Variants in IL18BP observed in about 807,000 individuals in gnomAD.
IL18BP encodes interleukin-18-binding protein.
A neutral mutation model predicts 19.9 loss-of-function variants in IL18BP; 23 were observed. The observed-to-expected ratio is 1.15, with a 90% CI of 0.83 to 1.64. The LOEUF (loss-of-function observed/expected upper bound fraction) is 1.64. IL18BP is among the 40% of genes most tolerant of loss of function. The pLI, the probability that IL18BP is intolerant of heterozygous loss-of-function variation, is 0.00. For synonymous variants in IL18BP, 107 were observed against 101.0 expected, an observed-to-expected ratio of 1.06 and a Z score of -0.35; for missense variants, 239 against 240.7, an observed-to-expected ratio of 0.99 and a Z score of 0.05.
Position 72,002,705 on chromosome 11 carries a change from C to G in IL18BP, c.*844C>G, listed in dbSNP as rs1449733279. On this transcript the variant is annotated 3_prime_UTR_variant, in exon 6 of 6. Coordinates refer to ENST00000393703, the MANE Select transcript of IL18BP (RefSeq NM_001039660.2). The stretch of plus-strand genomic sequence containing the variant: ...AACAGCCCATAATGCTCCCCGGGAG[C>G]AGAGGCCACTAATGGAGAGTGGGAA... 1 of 176,946 alleles carries G rather than the reference C, an allele frequency of 5.7e-6. No individual in the cohort carries two copies. The highest frequency in any genetic ancestry group is 1.2e-5 in the Non-Finnish European group (1 of 82,200). The allele number at this position is 176,946 out of a possible 1,614,324, so 11.0% of individuals were successfully genotyped here.
downstream of IL18BP, chr11:72,004,120 AC>A: frequency 3.7e-6 from 6 of 1,612,836 alleles, no homozygotes; most frequent in Non-Finnish European, 5.1e-6. Flanking sequence ...GGGCTGTCAG[AC>A]CGGGAGACCC....
downstream of IL18BP, chr11:72,005,183 C>CTTG: frequency 6.6e-7 from 1 of 1,521,158 alleles, no homozygotes; most frequent in Non-Finnish European, 8.8e-7. Context: ...AGGTGGGATT[C>CTTG]CAAGGGAGGG....
At chr11:72,005,234 C>G, downstream of IL18BP, 1 of 1,594,406 alleles carries the variant, frequency 6.3e-7, no homozygotes, top group Middle Eastern at 1.7e-4. Context: ...AGGCCTCACC[C>G]TGGACTCCAG....
downstream of IL18BP, chr11:72,005,098 G>A: frequency 9.3e-7 from 1 of 1,069,834 alleles, no homozygotes; most frequent in Non-Finnish European, 1.3e-6. Flanking sequence ...GTTCCACCTG[G>A]AAACATGAGA....
rs1321655719 is a variant in IL18BP, at chr11:72,001,961, G to A, written c.*100G>A. The A allele has an allele frequency of 6.6e-7, 1 of 1,525,076 alleles. No individual in the cohort carries two copies. Among genetic ancestry groups the A allele is most frequent in the South Asian group, 1.2e-5 (1 of 84,646 alleles). 94.5% of individuals were successfully genotyped at this position (1,525,076 alleles called of 1,614,324 possible). A position where few individuals can be genotyped will look rare whatever the true frequency, so the allele number is the denominator to read the frequency against. On this transcript the variant is annotated 3_prime_UTR_variant, in exon 6 of 6. Coordinates refer to ENST00000393703, the MANE Select transcript of IL18BP (RefSeq NM_001039660.2). ...TCCCTGACTGCCTGTAGGCTGCGTG[G>A]ATGCGCAACACACCCCCTCCTTCTC... is the stretch of plus-strand genomic sequence containing the variant.
rs1257722217 is a variant in IL18BP at position 72,001,789 on chromosome 11, G to A, written c.513G>A (p.Gly171=). The change falls in exon 6 of 6, where the codon GGG becomes GGA. Residue 171 remains glycine (G), a synonymous_variant. Transcript: ENST00000393703. ...RHVVLAQLWA[G]LRATLPPTQE... ...GTCTGCCTTCACTTCCCTAGGCTGG[G>A]CTGAGGGCAACCTTGCCCCCCACCC... The A allele has an allele frequency of 1.2e-6, 2 of 1,614,098 alleles. No homozygotes were observed. The highest frequency in any genetic ancestry group is 1.7e-5 in the Admixed American group (1 of 60,030).
chr11:72,000,450 CAGTT>C lies in IL18BP; in HGVS notation c.131_134del (p.Val44GlufsTer25), dbSNP rs776737598. 17 of 1,614,130 alleles carry C rather than the reference CAGTT, an allele frequency of 1.1e-5. No homozygotes were observed. The highest frequency in any genetic ancestry group is 2.2e-5 in the East Asian group (1 of 44,876). On this transcript the variant is annotated frameshift_variant, in exon 3 of 6. Coordinates refer to ENST00000393703, the MANE Select transcript of IL18BP (RefSeq NM_001039660.2). LOFTEE classifies it high-confidence loss of function. ...CAGACCACCACAGCTGCCACTGCCTCAGTTAGAAGCACAAAGGACCCCTGCCCCT... is the reference window on the plus strand; with the variant it reads ...CAGACCACCACAGCTGCCACTGCCTCAGAAGCACAAAGGACCCCTGCCCCT...
chr11:72,000,048 G>T, intron 2 of IL18BP, 36 bp downstream of exon 2: 1 of 1,612,218 alleles, frequency 6.2e-7, no homozygotes, highest in East Asian at 2.2e-5. Flanking sequence ...AGGCGGGGTA[G>T]GGTGAGGTCT....
downstream of IL18BP, chr11:72,003,740 G>A: frequency 9.8e-7 from 1 of 1,018,560 alleles, no homozygotes; most frequent in Non-Finnish European, 1.5e-6. Context: ...TCTCCTTGGA[G>A]AGGAGCTACC....
downstream of IL18BP, chr11:72,004,606 T>A: frequency 6.2e-7 from 1 of 1,603,090 alleles, no homozygotes. Context: ...CTGAGCACAG[T>A]GCTGGAGTAA....
chr11:72,004,564 C>A, downstream of IL18BP: 1 of 1,461,792 alleles, frequency 6.8e-7, no homozygotes. Context: ...AGAGAGAAGG[C>A]TCCCTTTAGT....
downstream of IL18BP, chr11:72,006,337 G>T: frequency 7.7e-7 from 1 of 1,302,596 alleles, no homozygotes; most frequent in Non-Finnish European, 1.1e-6. Flanking sequence ...CCCTTCCGAA[G>T]CCCTCAGATC....
At chr11:71,999,113 G>A (rs780067022) in intron 1 of IL18BP, 94 bp downstream of exon 1, 6 of 513,914 alleles carry the variant, frequency 1.2e-5, no homozygotes, top group South Asian at 5.7e-5. Context: ...GGTGCTGGGA[G>A]ATGTAGCCGA....
downstream of IL18BP, chr11:72,007,185 T>C: frequency 6.2e-7 from 1 of 1,607,200 alleles, no homozygotes; most frequent in Non-Finnish European, 8.5e-7. Context: ...CCCAGCAGCC[T>C]GACCTTGGTC....
chr11:72,000,360 C>A lies in IL18BP; in HGVS notation c.38C>A (p.Pro13His), dbSNP rs921064209. 1.2e-6 allele frequency: 2 copies of A among 1,613,886 alleles called. No individual in the cohort carries two copies. The highest frequency in any genetic ancestry group is 8.5e-7 in the Non-Finnish European group (1 of 1,179,996). The part of the protein sequence containing the change: ...MRHNWTPDLS[P>H]LWVLLLCAHV... ...ACTGTCCTTTCCTCAGACCTCAGCC[C>A]TTTGTGGGTCCTGCTCCTGTGTGCC... The change falls in exon 3 of 6, where the codon CCT becomes CAT. Residue 13 changes from proline to histidine, a missense_variant. Transcript: ENST00000393703.
chr11:72,001,065 C>A, intron 3 of IL18BP, 136 bp from the exon 4 acceptor site: 1 of 1,035,130 alleles, frequency 9.7e-7, no homozygotes, highest in South Asian at 1.5e-5. Flanking sequence ...GACGTTCCCA[C>A]CTAGGTGGTG....
chr11:72,006,357 A>T (rs1590861198), downstream of IL18BP: 2 of 1,036,876 alleles, frequency 1.9e-6, no homozygotes, highest in Non-Finnish European at 2.8e-6. Flanking sequence ...CCCACGGCAC[A>T]TCCATGTATT....
At chr11:72,005,284 G>A (rs1438645979), downstream of IL18BP, 1 of 1,610,120 alleles carries the variant, frequency 6.2e-7, no homozygotes, top group South Asian at 1.1e-5. Context: ...ACACTCGATT[G>A]CGCTGCTGCA....
At chr11:72,005,517 T>C (rs1289027819), downstream of IL18BP, 1 of 687,860 alleles carries the variant, frequency 1.5e-6, no homozygotes, top group African/African-American at 1.8e-5. Flanking sequence ...GGTGCAGGAG[T>C]ACGGCACACA....
Sources: allele counts gnomAD v4.1 joint callset, GRCh38; gene constraint gnomAD v4.1.1; transcripts MANE v1.5; gene names NCBI Gene and HGNC (gene_info 2026-07-23, HGNC 2026-07-21).